The following COL23A1 variants were observed in gnomAD, a reference collection of about 807,000 sequenced individuals.
COL23A1 encodes the protein collagen type XXIII alpha 1 chain.
COL23A1 carries 97 observed loss-of-function variants against 99.3 expected under a neutral mutation model. The observed-to-expected ratio is 0.98, with a 90% CI of 0.83 to 1.16. The LOEUF (loss-of-function observed/expected upper bound fraction) is 1.16. Ranked by LOEUF, COL23A1 falls within the 50% of genes most tolerant of loss-of-function variation. The probability of loss-of-function intolerance (pLI) is 0.00; values close to 1 mark genes in which losing one functional copy is unlikely to be tolerated. For missense variants in COL23A1, 762 were observed against 757.4 expected (o/e 1.01, Z -0.07); for synonymous variants, 320 against 308.2 (o/e 1.04, Z -0.40).
intron 11 of COL23A1, 37 bp from the exon 12 acceptor site, chr5:178,259,784 A>G (rs1365814417): frequency 1.3e-6 from 2 of 1,588,654 alleles, no homozygotes; most frequent in Admixed American, 3.5e-5. Context: ...AGCAAGGTCA[A>G]AACCATAGGA....
intron 2 of COL23A1, among the ~76,000 whole-genome samples, chr5:178,440,276 C>A (rs1766790424): frequency 6.6e-6 from 1 of 152,178 alleles, no homozygotes. Context: ...CTTTCCGGGA[C>A]CAACTCCCCA....
At chr5:178,563,581 G>A (rs1237409030) in intron 1 of COL23A1, among the ~76,000 whole-genome samples, 1 of 139,348 alleles carries the variant, frequency 7.2e-6, no homozygotes, top group Non-Finnish European at 1.5e-5. Context: ...ATCCAGGCTG[G>A]AATGCAGTGG....
intron 2 of COL23A1, among the ~76,000 whole-genome samples, chr5:178,360,228 C>T (rs1361529131): frequency 6.6e-6 from 1 of 152,204 alleles, no homozygotes; most frequent in African/African-American, 2.4e-5. Flanking sequence ...CTTTATCAGA[C>T]CAAGTGTAGG....
At chr5:178,411,359 C>T (rs979608857) in intron 2 of COL23A1, among the ~76,000 whole-genome samples, 9 of 152,138 alleles carry the variant, frequency 5.9e-5, no homozygotes, top group African/African-American at 2.2e-4. Context: ...TACAACAACA[C>T]TAATCACAAT....
chr5:178,495,538 G>A (rs894098581), intron 2 of COL23A1, among the ~76,000 whole-genome samples: 3 of 152,162 alleles, frequency 2.0e-5, no homozygotes, highest in Admixed American at 6.5e-5. Context: ...TCTGAGATGG[G>A]GGAGAAGGGT....
chr5:178,419,152 G>A (rs1765464588), intron 2 of COL23A1, among the ~76,000 whole-genome samples: 1 of 152,236 alleles, frequency 6.6e-6, no homozygotes, highest in Non-Finnish European at 1.5e-5. Flanking sequence ...TAACGTGGCT[G>A]TGGCCATGCC....
At chr5:178,391,099 C>A (rs1008682003) in intron 2 of COL23A1, among the ~76,000 whole-genome samples, 3 of 152,220 alleles carry the variant, frequency 2.0e-5, no homozygotes, top group Non-Finnish European at 4.4e-5. Flanking sequence ...GCAGCGGCAT[C>A]AGATTCTCAT....
In COL23A1 at chr5:178,246,421, C is replaced by A. The variant is rs574013195; in HGVS notation, c.1329G>T (p.Ala443=). 17 of 1,579,110 alleles carry A rather than the reference C, an allele frequency of 1.1e-5. No individual in the cohort carries two copies. The African/African-American group carries it at 1.2e-4, about 11-fold the overall frequency. Residue 443 remains alanine, a synonymous_variant, in exon 23 of 29, where the codon GCG becomes GCT. Coordinates refer to ENST00000390654, the MANE Select transcript of COL23A1 (RefSeq NM_173465.4). ...GGCCGCTGGGGCCTCTCTCACCCGA[C>A]GCACCCTTCTCTCCCTTTGCTCCAT... ...GLDGAKGEKG[A]SGERGPSGLP...
intron 2 of COL23A1, among the ~76,000 whole-genome samples, chr5:178,442,109 C>G (rs369979655): frequency 5.9e-5 from 9 of 152,102 alleles, no homozygotes; most frequent in East Asian, 5.8e-4. Flanking sequence ...CTGGTCAGAC[C>G]CCGAGCCTGG....
intron 15 of COL23A1, chr5:178,256,007 G>A: frequency 4.1e-6 from 1 of 243,800 alleles, no homozygotes. Context: ...GCAAGGCCTG[G>A]CCCACTGTGG....
At chr5:178,409,272 T>C (rs1469719054) in intron 2 of COL23A1, among the ~76,000 whole-genome samples, 3 of 152,202 alleles carry the variant, frequency 2.0e-5, no homozygotes, top group African/African-American at 7.2e-5. Context: ...CTTGGGTGGA[T>C]CTCAAGGGCA....
At chr5:178,454,071 C>A (rs950683675) in intron 2 of COL23A1, among the ~76,000 whole-genome samples, 2 of 152,080 alleles carry the variant, frequency 1.3e-5, no homozygotes, top group Non-Finnish European at 2.9e-5. Context: ...CGTCTTCATA[C>A]GGTGGAGCAC....
chr5:178,256,074 T>C (rs2335245), intron 15 of COL23A1, among the ~76,000 whole-genome samples: 51,297 of 151,884 alleles, frequency 0.34, 9,829 homozygotes, highest in South Asian at 0.46. Context: ...AAGAAAGGAA[T>C]TTAGGTGGAC....
intron 2 of COL23A1, among the ~76,000 whole-genome samples, chr5:178,516,971 C>T (rs936752288): frequency 1.3e-5 from 2 of 152,184 alleles, no homozygotes; most frequent in East Asian, 1.9e-4. Context: ...GTGTGGAAAG[C>T]GCCTGTCACT....
In COL23A1 at chr5:178,434,487, T is replaced by G. The variant is rs1471070167; in HGVS notation, c.361+126195A>C. On this transcript the variant is annotated intron_variant, in intron 2 of 28. Transcript: ENST00000390654. This position sits in a 1 kb window ranked among gnomAD's most constrained non-coding sequence, Gnocchi z 4.3. Reference sequence around the variant, plus strand: ...TCACATGTCTGAACCTCACACCTCATCTGTAAAATGGTGAGGTTGGGTGAA... The same window carrying G: ...TCACATGTCTGAACCTCACACCTCAGCTGTAAAATGGTGAGGTTGGGTGAA... 6.6e-6 allele frequency among the ~76,000 whole-genome samples: 1 copy of G among 152,146 alleles called. No individual in the cohort carries two copies. Among genetic ancestry groups the G allele is most frequent in the Non-Finnish European group, 1.5e-5 (1 of 68,014 alleles).
chr5:178,262,709 G>A lies in COL23A1; in HGVS notation c.640-457C>T, dbSNP rs567805544. 2.6e-5 allele frequency among the ~76,000 whole-genome samples: 4 copies of A among 152,282 alleles called. No homozygotes were observed. The South Asian group carries it at 8.3e-4, about 32-fold the overall frequency. On this transcript the variant is annotated intron_variant, in intron 9 of 28. Coordinates refer to ENST00000390654, the MANE Select transcript of COL23A1 (RefSeq NM_173465.4). ...GAGCATGAGGGGAGGGGCTGATAAAGGTCTGCAGAGACAGTGTCCCCAGAA... is the reference window on the plus strand; with the variant it reads ...GAGCATGAGGGGAGGGGCTGATAAAAGTCTGCAGAGACAGTGTCCCCAGAA...
chr5:178,514,826 G>A (rs1318379705), intron 2 of COL23A1, among the ~76,000 whole-genome samples: 1 of 152,192 alleles, frequency 6.6e-6, no homozygotes, highest in East Asian at 1.9e-4. Flanking sequence ...TAGGGCCCAA[G>A]TTACTCTCAT....
At chr5:178,582,302 C>A (rs180844344) in intron 1 of COL23A1, among the ~76,000 whole-genome samples, 6 of 151,780 alleles carry the variant, frequency 4.0e-5, no homozygotes, top group Non-Finnish European at 7.4e-5. Flanking sequence ...AAGGAGGCAG[C>A]CACAGCTCAG....
chr5:178,242,111 G>T lies in COL23A1; in HGVS notation c.1512C>A (p.Pro504=). The change falls in exon 27 of 29, where the codon CCC becomes CCA. Residue 504 remains proline (P), a synonymous_variant. Transcript: ENST00000390654. Reference sequence around the variant, plus strand: ...TCTGGCCCTTCACTCCTTTCCGGCCGGGGACCCCTCGTTCTCCCTGTGCAG... The same window carrying T: ...TCTGGCCCTTCACTCCTTTCCGGCCTGGGACCCCTCGTTCTCCCTGTGCAG... ...ERGEKGERGV[P]GRKGVKGQKG... The T allele has an allele frequency of 6.4e-7, 1 of 1,553,074 alleles. No homozygotes were observed.
Sources: allele counts gnomAD v4.1 joint callset (sites outside exome capture counted in the v4.1 genomes callset), GRCh38; gene constraint gnomAD v4.1.1; non-coding constraint Gnocchi (gnomAD v3.1); transcripts MANE v1.5; gene names NCBI Gene and HGNC (gene_info 2026-07-23, HGNC 2026-07-21).